MCM3AP: variants seen among roughly 807,000 people sequenced by gnomAD.
MCM3AP encodes the protein minichromosome maintenance complex component 3 associated protein, also known as germinal-center associated nuclear protein.
A neutral mutation model predicts 184.1 loss-of-function variants in MCM3AP; 126 were observed. The ratio of observed to expected loss-of-function variants is 0.68; its 90% CI spans 0.59 to 0.79. MCM3AP has a LOEUF of 0.79. Ranked by LOEUF, MCM3AP falls within the 30% of genes least tolerant of loss-of-function variation. MCM3AP has a pLI of 0.00. For synonymous variants in MCM3AP, 1,002 were observed against 979.3 expected (o/e 1.02, Z -0.43); for missense variants, 2,496 against 2,479.2 (o/e 1.01, Z -0.14).
Position 46,279,917 on chromosome 21 carries a change from CCT to C in MCM3AP, c.1667+74_1667+75del, listed in dbSNP as rs563601723. 3.4e-4 allele frequency: 495 copies of C among 1,462,516 alleles called. 5 individuals are homozygous for C. In the South Asian group the frequency reaches 6.2e-3, roughly 18 times the overall value. The allele number at this position is 1,462,516 out of a possible 1,614,324, so 90.6% of individuals were successfully genotyped here. A position where few individuals can be genotyped will look rare whatever the true frequency, so the allele number is the denominator to read the frequency against. On this transcript the variant is annotated intron_variant, in intron 4 of 27. Transcript: ENST00000291688. ...CTCACCACTCCCCACAGTCTTGCAC[CCT>C]GACTCAGGTGTCGCTATAGGGCGCT...
Position 46,245,116 on chromosome 21 carries a change from C to T in MCM3AP, c.4729G>A (p.Glu1577Lys), listed in dbSNP as rs779630101. The T allele has an allele frequency of 5.6e-6, 9 of 1,614,192 alleles. No individual in the cohort carries two copies. The highest frequency in any genetic ancestry group is 1.1e-5 in the South Asian group (1 of 91,080). The change falls in exon 23 of 28, where the codon GAA becomes AAA. Residue 1577 changes from glutamate (E) to lysine (K), a missense_variant. Glu to Lys is a moderately conservative substitution (Grantham distance 56). Coordinates refer to ENST00000291688, the MANE Select transcript of MCM3AP (RefSeq NM_003906.5). ...LCCQTLIQYV[E>K]DGIGHEFSGR... is the part of the protein sequence containing the mutation. ...CTAAACTCATGGCCAATCCCGTCTTCGACGTACTGAATGAGAGTCTGGCAG... is the reference window on the plus strand; with the variant it reads ...CTAAACTCATGGCCAATCCCGTCTTTGACGTACTGAATGAGAGTCTGGCAG...
At chr21:46,273,288 T>A in intron 7 of MCM3AP, 100 bp downstream of exon 7, 1 of 1,203,112 alleles carries the variant, frequency 8.3e-7, no homozygotes, top group South Asian at 1.4e-5. Context: ...AAAAGTACAT[T>A]TTTGTTACAG....
chr21:46,244,352 G>A (rs1179883130), intron 23 of MCM3AP, among the ~76,000 whole-genome samples: 2 of 152,248 alleles, frequency 1.3e-5, no homozygotes, highest in African/African-American at 2.4e-5. Context: ...CACAGCCAGA[G>A]CCATAGAAGA....
intron 8 of MCM3AP, among the ~76,000 whole-genome samples, chr21:46,271,398 A>G (rs1488985530): frequency 6.6e-6 from 1 of 150,462 alleles, no homozygotes; most frequent in East Asian, 2.0e-4. Flanking sequence ...GCATGATCAC[A>G]GCTTACTGCA....
At position 46,270,664 on chromosome 21, in the gene MCM3AP, T is replaced by C. The variant is rs191221349; in HGVS notation, c.2466-101A>G. The C allele has an allele frequency of 1.6e-5, 17 of 1,034,638 alleles. No homozygotes were observed. The East Asian group carries it at 3.5e-4, about 22-fold the overall frequency. The allele number at this position is 1,034,638 out of a possible 1,614,324, so 64.1% of individuals were successfully genotyped here. On this transcript the variant is annotated intron_variant, in intron 8 of 27. Transcript: ENST00000291688. ...TAAATAATAGATTTCACTGGCCAGA[T>C]GCAGTGGCTCACACCTGTAATCCCA...
Position 46,259,071 on chromosome 21 carries a change from T to A in MCM3AP, c.3602A>T (p.Gln1201Leu). ...ACAGCAACGGGCCACACGGACCCTC[T>A]GGTCTGTCTCTACTGCATTCCTAGA... ...QELKNAVETDQRVRVARCCED... is the reference protein window; with the variant it reads ...QELKNAVETDLRVRVARCCED... The change falls in exon 16 of 28, where the codon CAG becomes CTG. Residue 1201 changes from glutamine to leucine, a missense_variant. Around this residue, in one of 5 missense-constraint regions of MCM3AP, gnomAD observed 1,323 missense variants for 1,273.4 expected, o/e 1.04. Transcript: ENST00000291688. 11 of 1,613,438 alleles carry A rather than the reference T, an allele frequency of 6.8e-6. No individual in the cohort carries two copies. The highest frequency in any genetic ancestry group is 8.5e-6 in the Non-Finnish European group (10 of 1,179,734).
Position 46,275,594 on chromosome 21 carries a change from C to G in MCM3AP, c.1859-269G>C, listed in dbSNP as rs556124270. Among the ~76,000 whole-genome samples, 440 of 152,136 alleles carry G rather than the reference C, an allele frequency of 2.9e-3. 1 individual carries two copies. Among genetic ancestry groups the G allele is most frequent in the Non-Finnish European group, 5.1e-3 (347 of 67,978 alleles). On this transcript the variant is annotated intron_variant, in intron 5 of 27. Transcript: ENST00000291688. ...CCTCACTGCAGACTAAGAGAAAGAC[C>G]CCCGAGTCACCTCTCCAACAGTCAC...
At position 46,240,960 on chromosome 21, in the gene MCM3AP, G is replaced by A; in HGVS notation, c.5484C>T (p.His1828=). The part of the protein sequence containing the change: ...SANNFPIPLL[H]MHRNWKRSTE... ...TGCTCCTCTTCCAGTTACGGTGCAT[G>A]TGAAGCAATGGTATGGGAAAATTGT... The change falls in exon 26 of 28, where the codon CAC becomes CAT. Residue 1828 remains histidine, a synonymous_variant. Coordinates refer to ENST00000291688, the MANE Select transcript of MCM3AP (RefSeq NM_003906.5). 1.2e-6 allele frequency: 2 copies of A among 1,614,166 alleles called. No individual in the cohort carries two copies. Among genetic ancestry groups the A allele is most frequent in the Non-Finnish European group, 1.7e-6 (2 of 1,180,024 alleles).
At position 46,284,855 on chromosome 21, in the gene MCM3AP, G is replaced by A. The variant is rs147766457; in HGVS notation, c.432C>T (p.Phe144=). Residue 144 remains phenylalanine, a synonymous_variant, in exon 1 of 28, where the codon TTC becomes TTT. Transcript: ENST00000291688. ...CTGCATTTTCCAGAGGTTTAAAGCTGAATTCTGTTTTCCCAAAACCAGAGT... is the reference window on the plus strand; with the variant it reads ...CTGCATTTTCCAGAGGTTTAAAGCTAAATTCTGTTTTCCCAAAACCAGAGT... ...IVNSGFGKTE[F]SFKPLENAVF... 1.9e-6 allele frequency: 3 copies of A among 1,614,150 alleles called. No individual in the cohort carries two copies. Among genetic ancestry groups the A allele is most frequent in the Non-Finnish European group, 2.5e-6 (3 of 1,180,036 alleles).
In MCM3AP at chr21:46,284,131, C is replaced by G; in HGVS notation, c.1156G>C (p.Ala386Pro). Residue 386 changes from alanine to proline, a missense_variant, in exon 1 of 28, where the codon GCA (alanine) becomes CCA (proline). Transcript: ENST00000291688. ...AIPGGNQSVL[A>P]PSRIPGVNKE... ...TTCACACCTGGAATCCGGGAAGGTG[C>G]CAGGACAGACTGATTCCCTCCTGGG... 3 of 1,614,188 alleles carry G rather than the reference C, an allele frequency of 1.9e-6. No homozygotes were observed. In the South Asian group the frequency reaches 3.3e-5, roughly 18 times the overall value.
intron 4 of MCM3AP, among the ~76,000 whole-genome samples, 179 bp from the exon 5 acceptor site, chr21:46,277,896 A>G (rs1371256038): frequency 6.6e-6 from 1 of 152,232 alleles, no homozygotes; most frequent in Non-Finnish European, 1.5e-5. Context: ...AGCGTTATTC[A>G]CATTACTCAC....
At chr21:46,258,877 G>T in intron 16 of MCM3AP, 62 bp downstream of exon 16, 1 of 1,572,034 alleles carries the variant, frequency 6.4e-7, no homozygotes, top group Non-Finnish European at 8.7e-7. Flanking sequence ...CATATATTTT[G>T]AATTTGTTAA....
intron 4 of MCM3AP, among the ~76,000 whole-genome samples, chr21:46,279,338 A>G (rs2081296755): frequency 6.6e-6 from 1 of 152,240 alleles, no homozygotes; most frequent in African/African-American, 2.4e-5. Context: ...TCTTGAGGTA[A>G]AAAGTTATTG....
Position 46,283,716 on chromosome 21 carries a change from C to G in MCM3AP, c.1342G>C (p.Asp448His). The change falls in exon 2 of 28, where the codon GAC (aspartate) becomes CAC (histidine). Residue 448 changes from aspartate to histidine, a missense_variant. This residue lies in a region of MCM3AP where 800 missense variants were observed against 717.1 expected (regional missense o/e 1.12). Transcript: ENST00000291688. ...AAATGGTTCTCCAGAATGGTCCTGT[C>G]GTTGAGGTAGTCAGGGATGTTCTTG... ...QCKNIPDYLN[D>H]RTILENHFGK... 6.2e-7 allele frequency: 1 copy of G among 1,614,076 alleles called. No individual in the cohort carries two copies. The highest frequency in any genetic ancestry group is 8.5e-7 in the Non-Finnish European group (1 of 1,179,952).
At chr21:46,262,622 T>G (rs2081054333) in intron 13 of MCM3AP, among the ~76,000 whole-genome samples, 1 of 151,200 alleles carries the variant, frequency 6.6e-6, no homozygotes, top group Non-Finnish European at 1.5e-5. Context: ...CACTCGGGTC[T>G]AGGTGACAAA....
At chr21:46,279,569 C>G (rs1416633424) in intron 4 of MCM3AP, among the ~76,000 whole-genome samples, 1 of 152,244 alleles carries the variant, frequency 6.6e-6, no homozygotes, top group Non-Finnish European at 1.5e-5. Flanking sequence ...GTAGCTGCAG[C>G]TGAAAGGTCT....
At chr21:46,283,278 C>G (rs2081356641) in intron 2 of MCM3AP, among the ~76,000 whole-genome samples, 1 of 151,982 alleles carries the variant, frequency 6.6e-6, no homozygotes, top group African/African-American at 2.4e-5. Flanking sequence ...CTTCTATGAC[C>G]AAATAAAACA....
At chr21:46,254,704 G>A (rs2080921697) in intron 18 of MCM3AP, 72 bp downstream of exon 18, 2 of 1,476,652 alleles carry the variant, frequency 1.4e-6, no homozygotes, top group Non-Finnish European at 1.9e-6. Flanking sequence ...ATGCATGAAG[G>A]GGGCTGCCAG....
At chr21:46,263,780 CAAAAAAAA>C (rs57674256) in intron 13 of MCM3AP, among the ~76,000 whole-genome samples, 17 of 28,328 alleles carry the variant, frequency 6.0e-4, no homozygotes, top group South Asian at 6.6e-3. Context: ...GACTCCATCT[CAAAAAAAA>C]AAAAAAAAAA....
Sources: allele counts gnomAD v4.1 joint callset (sites outside exome capture counted in the v4.1 genomes callset), GRCh38; gene constraint gnomAD v4.1.1; regional missense constraint gnomAD v4.1.1; transcripts MANE v1.5; gene names NCBI Gene and HGNC (gene_info 2026-07-23, HGNC 2026-07-21).